KCNH7: variants seen among roughly 807,000 people sequenced by gnomAD.
The protein encoded by KCNH7 is voltage-gated inwardly rectifying potassium channel KCNH7.
A neutral mutation model predicts 120.8 loss-of-function variants in KCNH7; 49 were observed. The ratio of observed to expected loss-of-function variants is 0.41; its 90% confidence interval spans 0.32 to 0.51. KCNH7 has a LOEUF of 0.51. Among genes scored for constraint, KCNH7 ranks in the 20% least tolerant of loss-of-function variants. KCNH7 has a pLI of 0.38. For missense variants in KCNH7, 1,097 were observed against 1,446.6 expected, an observed-to-expected ratio of 0.76 and a Z score of 3.92; for synonymous variants, 547 against 516.1, an observed-to-expected ratio of 1.06 and a Z score of -0.81.
rs572478699 is a variant in KCNH7, at chr2:162,510,279, T to A, written c.913+2375A>T. 9.2e-5 allele frequency among the ~76,000 whole-genome samples: 14 copies of A among 151,674 alleles called. No homozygotes were observed. The South Asian group carries it at 2.7e-3, about 29-fold the overall frequency. On this transcript the variant is annotated intron_variant, in intron 5 of 15. Coordinates refer to ENST00000332142, the MANE Select transcript of KCNH7 (RefSeq NM_033272.4). The stretch of plus-strand genomic sequence containing the variant: ...ATAGATCCTAAGAAAGAAGATTAAG[T>A]GGAAATTAGTTTTAGAAAAAAGAGT...
chr2:162,607,359 C>A (rs747686779), intron 2 of KCNH7, among the ~76,000 whole-genome samples: 2 of 151,258 alleles, frequency 1.3e-5, no homozygotes, highest in African/African-American at 2.4e-5. Flanking sequence ...CACTGCACTC[C>A]AGCCTGGACG....
chr2:162,446,042 C>A lies in KCNH7; in HGVS notation c.1530G>T (p.Leu510=). 6.2e-7 allele frequency: 1 copy of A among 1,613,252 alleles called. No homozygotes were observed. The highest frequency in any genetic ancestry group is 1.1e-5 in the South Asian group (1 of 90,962). The change falls in exon 7 of 16, where the codon CTG becomes CTT. Residue 510 remains leucine, a synonymous_variant. Transcript: ENST00000332142. ...DMVAAIPFDL[L]IFGSGSDETT... ...CCTCATCAGAACCTGATCCAAAAATCAGCAAGTCAAAAGGAATTGCTGCAA... is the reference window on the plus strand; with the variant it reads ...CCTCATCAGAACCTGATCCAAAAATAAGCAAGTCAAAAGGAATTGCTGCAA...
chr2:162,420,000 G>A (rs1687651971), intron 9 of KCNH7, among the ~76,000 whole-genome samples: 1 of 152,172 alleles, frequency 6.6e-6, no homozygotes, highest in Non-Finnish European at 1.5e-5. Flanking sequence ...GTTGGAGGTA[G>A]AGGGAAGACA....
At chr2:162,787,565 T>C (rs1683758249) in intron 2 of KCNH7, among the ~76,000 whole-genome samples, 1 of 152,092 alleles carries the variant, frequency 6.6e-6, no homozygotes, top group Admixed American at 6.5e-5. Flanking sequence ...GGCCCATCCC[T>C]CTGTATTCAG....
chr2:162,673,023 C>T (rs951270253), intron 2 of KCNH7, among the ~76,000 whole-genome samples: 24 of 151,806 alleles, frequency 1.6e-4, no homozygotes, highest in African/African-American at 3.4e-4. Flanking sequence ...GAGGAAAAGA[C>T]GATAATAATT....
chr2:162,752,902 G>GAAAAAGAA (rs1688611788), intron 2 of KCNH7, among the ~76,000 whole-genome samples: 1 of 61,218 alleles, frequency 1.6e-5, no homozygotes, highest in Non-Finnish European at 2.7e-5. Context: ...CTACATCTCA[G>GAAAAAGAA]AAAAAGAAAA....
At chr2:162,816,347 ATG>A (rs1284108272) in intron 2 of KCNH7, among the ~76,000 whole-genome samples, 1 of 150,784 alleles carries the variant, frequency 6.6e-6, no homozygotes, top group Non-Finnish European at 1.5e-5. Flanking sequence ...TTCACTGACT[ATG>A]TGTTTTGTTT....
rs535388536 is a variant in KCNH7 at position 162,377,990 on chromosome 2, G to A, written c.3131+1863C>T. Among the ~76,000 whole-genome samples the A allele has an allele frequency of 4.6e-5, 7 of 152,208 alleles. No individual in the cohort carries two copies. The East Asian group carries it at 1.2e-3, about 25-fold the overall frequency. On this transcript the variant is annotated intron_variant, in intron 14 of 15. Transcript: ENST00000332142. The stretch of plus-strand genomic sequence containing the variant: ...TTTAAGCAATCATTGACTTATCCTA[G>A]CAGCAATGATTGGCACCCATGACAG...
intron 3 of KCNH7, among the ~76,000 whole-genome samples, chr2:162,529,305 G>T (rs568101136): frequency 2.6e-5 from 4 of 151,828 alleles, no homozygotes; most frequent in Non-Finnish European, 5.9e-5. Context: ...TAGAGTAAGA[G>T]GAACAACAAA....
rs190128546 is a variant in KCNH7 at position 162,589,640 on chromosome 2, G to C, written c.308-52560C>G. On this transcript the variant is annotated intron_variant, in intron 2 of 15. Transcript: ENST00000332142. ...GGGTAGCTCCTCCACTCCCCCAGCA[G>C]AGCAGCTTCATCATGCATTTCATGT... 2.1e-4 allele frequency among the ~76,000 whole-genome samples: 32 copies of C among 152,180 alleles called. 1 individual carries two copies. In the Middle Eastern group the frequency reaches 0.01, roughly 49 times the overall value.
At chr2:162,824,066 A>G (rs971777974) in intron 2 of KCNH7, among the ~76,000 whole-genome samples, 1 of 152,186 alleles carries the variant, frequency 6.6e-6, no homozygotes, top group African/African-American at 2.4e-5. Flanking sequence ...CTTGGTAAAG[A>G]TTTAAAGGCT....
chr2:162,670,896 A>T lies in KCNH7; in HGVS notation c.308-133816T>A, dbSNP rs114466514. Among the ~76,000 whole-genome samples, 355 of 152,256 alleles carry T rather than the reference A, an allele frequency of 2.3e-3. 2 individuals are homozygous for T. Among genetic ancestry groups the T allele is most frequent in the African/African-American group, 7.9e-3 (328 of 41,576 alleles). ...AAGATTATCAGACTAAGAAGTGAAA[A>T]TACAAGTTAAAGTAAAAGAGTATAC... is the stretch of plus-strand genomic sequence containing the variant. On this transcript the variant is annotated intron_variant, in intron 2 of 15. Transcript: ENST00000332142.
At chr2:162,515,759 A>T (rs984951301) in intron 4 of KCNH7, among the ~76,000 whole-genome samples, 1 of 151,750 alleles carries the variant, frequency 6.6e-6, no homozygotes, top group African/African-American at 2.4e-5. Context: ...ATGATTATCC[A>T]ATTTGGGAAT....
chr2:162,701,707 A>G (rs1686506666), intron 2 of KCNH7, among the ~76,000 whole-genome samples: 1 of 152,190 alleles, frequency 6.6e-6, no homozygotes, highest in South Asian at 2.1e-4. Flanking sequence ...ATTTAAGAGC[A>G]AATTACAAAT....
At chr2:162,506,051 A>C (rs918510159) in intron 5 of KCNH7, among the ~76,000 whole-genome samples, 1 of 151,862 alleles carries the variant, frequency 6.6e-6, no homozygotes, top group Non-Finnish European at 1.5e-5. Flanking sequence ...AATCTTAATA[A>C]ATTTTCATGT....
chr2:162,533,225 T>G (rs1691990951), intron 3 of KCNH7, among the ~76,000 whole-genome samples: 1 of 151,630 alleles, frequency 6.6e-6, no homozygotes, highest in African/African-American at 2.4e-5. Flanking sequence ...AAACCAGTTT[T>G]TAAAAGGGCA....
At chr2:162,486,687 A>G (rs1690106414) in intron 6 of KCNH7, among the ~76,000 whole-genome samples, 1 of 152,116 alleles carries the variant, frequency 6.6e-6, no homozygotes, top group South Asian at 2.1e-4. Flanking sequence ...TAACATATTC[A>G]TGTTTGAGTT....
intron 6 of KCNH7, among the ~76,000 whole-genome samples, chr2:162,503,790 G>T (rs539876392): frequency 6.6e-6 from 1 of 152,048 alleles, no homozygotes; most frequent in Non-Finnish European, 1.5e-5. Flanking sequence ...AACAATGTAA[G>T]TGCACTGTAA....
intron 6 of KCNH7, among the ~76,000 whole-genome samples, chr2:162,462,711 A>G (rs967006897): frequency 6.6e-6 from 1 of 152,168 alleles, no homozygotes; most frequent in Non-Finnish European, 1.5e-5. Flanking sequence ...CATTATTGAC[A>G]GGGATTTTCT....
Sources: gnomAD v4.1 joint callset for allele counts (sites outside exome capture counted in the v4.1 genomes callset) on GRCh38, gnomAD v4.1.1 for gene constraint, MANE v1.5 for transcripts, NCBI Gene and HGNC (gene_info 2026-07-23, HGNC 2026-07-21) for gene names.